SIL1: variants seen among roughly 807,000 people sequenced by gnomAD.
SIL1 encodes the protein SIL1 nucleotide exchange factor, also known as nucleotide exchange factor SIL1.
In SIL1, 40 loss-of-function variants were observed where a neutral mutation model predicts 49.1. The observed-to-expected ratio is 0.81, with a 90% CI of 0.63 to 1.06. The LOEUF (loss-of-function observed/expected upper bound fraction) is 1.06, where lower values mean the gene tolerates loss of function less well. Among genes scored for constraint, SIL1 ranks in the 50% least tolerant of loss-of-function variants. The pLI, the probability that SIL1 is intolerant of heterozygous loss-of-function variation, is 0.00. For synonymous variants in SIL1, 253 were observed against 250.8 expected (o/e 1.01, Z -0.08); for missense variants, 500 against 572.6 (o/e 0.87, Z 1.29).
At chr5:139,087,898 AGTGGCTAAT>A (rs1770257973) in intron 3 of SIL1, among the ~76,000 whole-genome samples, 1 of 152,142 alleles carries the variant, frequency 6.6e-6, no homozygotes, top group Non-Finnish European at 1.5e-5. Flanking sequence ...CCACATCCCA[AGTGGCTAAT>A]GTGGCTAGCA....
At chr5:138,974,724 C>A (rs1767359802) in intron 7 of SIL1, among the ~76,000 whole-genome samples, 1 of 152,218 alleles carries the variant, frequency 6.6e-6, no homozygotes, top group African/African-American at 2.4e-5. Context: ...CAATGCTCCT[C>A]TCTCGGTCTC....
intron 3 of SIL1, among the ~76,000 whole-genome samples, chr5:139,085,067 G>A (rs1770183825): frequency 6.6e-6 from 1 of 152,114 alleles, no homozygotes; most frequent in African/African-American, 2.4e-5. Flanking sequence ...GTATTCCATT[G>A]CAATGGATAT....
chr5:138,992,950 G>A (rs1426334511), intron 7 of SIL1, among the ~76,000 whole-genome samples: 1 of 152,090 alleles, frequency 6.6e-6, no homozygotes, highest in Non-Finnish European at 1.5e-5. Flanking sequence ...AGAGAAAAGA[G>A]AAACTTTTTC....
chr5:139,025,656 T>A (rs1053112937), intron 6 of SIL1, among the ~76,000 whole-genome samples: 2 of 152,024 alleles, frequency 1.3e-5, no homozygotes, highest in Non-Finnish European at 2.9e-5. Flanking sequence ...TCATCTATGC[T>A]CCCCTCCAGG....
At chr5:139,175,559 A>G (rs893146684) in intron 1 of SIL1, among the ~76,000 whole-genome samples, 2 of 152,256 alleles carry the variant, frequency 1.3e-5, no homozygotes, top group African/African-American at 4.8e-5. Flanking sequence ...AAGAACTAAC[A>G]TCAATCCTTC....
At chr5:139,137,853 C>T (rs1209378456) in intron 1 of SIL1, among the ~76,000 whole-genome samples, 1 of 151,890 alleles carries the variant, frequency 6.6e-6, no homozygotes, top group Non-Finnish European at 1.5e-5. Flanking sequence ...GAAAGACCCA[C>T]CTCTACCATG....
intron 6 of SIL1, among the ~76,000 whole-genome samples, chr5:139,023,229 C>A (rs1445078159): frequency 6.6e-6 from 1 of 152,152 alleles, no homozygotes; most frequent in Admixed American, 6.5e-5. Flanking sequence ...AAGCTGGGCC[C>A]CCCCCTGGTG....
intron 7 of SIL1, among the ~76,000 whole-genome samples, chr5:138,991,596 G>C (rs555550092): frequency 2.0e-5 from 3 of 152,326 alleles, no homozygotes; most frequent in Admixed American, 2.0e-4. Context: ...TGCAAAGCAG[G>C]GCTGGTCATC....
intron 3 of SIL1, among the ~76,000 whole-genome samples, chr5:139,069,525 T>A (rs1456342874): frequency 1.3e-5 from 2 of 151,896 alleles, no homozygotes; most frequent in Non-Finnish European, 2.9e-5. Context: ...GCAAACAGAA[T>A]ACCAAAAACC....
At chr5:139,115,034 C>T (rs1294024201) in intron 3 of SIL1, among the ~76,000 whole-genome samples, 4 of 152,150 alleles carry the variant, frequency 2.6e-5, no homozygotes, top group Non-Finnish European at 5.9e-5. Flanking sequence ...TTGGGCCTCA[C>T]ATGTGTGTGC....
At chr5:138,960,090 G>C (rs750353615) in intron 7 of SIL1, among the ~76,000 whole-genome samples, 2 of 152,154 alleles carry the variant, frequency 1.3e-5, no homozygotes. Context: ...TTTAAACAAG[G>C]AATCTGAATT....
intron 3 of SIL1, among the ~76,000 whole-genome samples, chr5:139,056,919 G>A (rs1252997413): frequency 3.3e-5 from 5 of 152,006 alleles, no homozygotes; most frequent in South Asian, 4.2e-4. Flanking sequence ...GATGGTTGCC[G>A]TGTCTGTGTA....
At chr5:139,132,325 A>G (rs1372116572) in intron 1 of SIL1, among the ~76,000 whole-genome samples, 2 of 152,162 alleles carry the variant, frequency 1.3e-5, no homozygotes, top group African/African-American at 4.8e-5. Flanking sequence ...GGTAGCTCCC[A>G]CAGGGCTCCC....
chr5:138,949,643 C>G (rs1486118564), intron 9 of SIL1, among the ~76,000 whole-genome samples: 2 of 151,740 alleles, frequency 1.3e-5, no homozygotes, highest in African/African-American at 4.8e-5. Flanking sequence ...GAGACCCTGT[C>G]TACAAAAAAC....
chr5:139,019,612 A>T (rs1395135491), intron 7 of SIL1, among the ~76,000 whole-genome samples: 2 of 152,206 alleles, frequency 1.3e-5, no homozygotes, highest in Non-Finnish European at 2.9e-5. Flanking sequence ...AACACCACAC[A>T]TTGGCACAGC....
At chr5:139,090,212 T>C (rs986349649) in intron 3 of SIL1, among the ~76,000 whole-genome samples, 1 of 152,168 alleles carries the variant, frequency 6.6e-6, no homozygotes, top group Non-Finnish European at 1.5e-5. Flanking sequence ...GGCCAGTTCC[T>C]CAGTCCTAAA....
At chr5:139,035,322 T>C (rs1273223659) in intron 5 of SIL1, 1 of 528,800 alleles carries the variant, frequency 1.9e-6, no homozygotes, top group Non-Finnish European at 3.7e-6. Context: ...GTTGACAATC[T>C]CATCACAAGT....
intron 7 of SIL1, among the ~76,000 whole-genome samples, chr5:138,961,829 C>T (rs1467015155): frequency 2.0e-5 from 3 of 152,092 alleles, no homozygotes; most frequent in Non-Finnish European, 4.4e-5. Context: ...CCTGTTCAGA[C>T]ATCATATCTA....
chr5:139,164,053 A>G (rs1212946560), intron 1 of SIL1, among the ~76,000 whole-genome samples: 1 of 148,376 alleles, frequency 6.7e-6, no homozygotes, highest in Non-Finnish European at 1.5e-5. Flanking sequence ...CAGGAGACAG[A>G]GGTTGCAGTA....
Sources: allele counts gnomAD v4.1 joint callset (sites outside exome capture counted in the v4.1 genomes callset), GRCh38; gene constraint gnomAD v4.1.1; transcripts MANE v1.5; gene names NCBI Gene and HGNC (gene_info 2026-07-23, HGNC 2026-07-21).